Variants in SFXN5 observed in about 807,000 individuals in gnomAD.
The protein encoded by SFXN5 is sideroflexin 5, also known as sideroflexin-5.
A neutral mutation model predicts 50.2 loss-of-function variants in SFXN5; 43 were observed. That is an observed-to-expected ratio of 0.86 (90% CI 0.67 to 1.11). The LOEUF is 1.11. SFXN5 is among the 50% of genes least tolerant of loss of function. The probability of loss-of-function intolerance (pLI) is 0.00; values close to 1 mark genes in which losing one functional copy is unlikely to be tolerated. For synonymous variants in SFXN5, 203 were observed against 185.8 expected (o/e 1.09, Z -0.75); for missense variants, 463 against 454.1 (o/e 1.02, Z -0.18).
intron 3 of SFXN5, among the ~76,000 whole-genome samples, chr2:73,026,754 G>A (rs1044934082): frequency 6.6e-6 from 1 of 151,792 alleles, no homozygotes; most frequent in Non-Finnish European, 1.5e-5. Context: ...TTGAGATGGA[G>A]TTTCACTCTT....
intron 13 of SFXN5, among the ~76,000 whole-genome samples, chr2:72,951,834 G>A (rs1007579556): frequency 2.0e-5 from 3 of 152,216 alleles, no homozygotes; most frequent in Non-Finnish European, 2.9e-5. Context: ...TTGACGCAGG[G>A]CCCAAAGCCC....
At chr2:73,064,888 G>A (rs187399691) in intron 1 of SFXN5, among the ~76,000 whole-genome samples, 11 of 152,342 alleles carry the variant, frequency 7.2e-5, no homozygotes, top group African/African-American at 2.4e-4. Context: ...CTGGACTCGG[G>A]TGATTCTCCC....
At chr2:73,025,324 C>G (rs964471671) in intron 3 of SFXN5, among the ~76,000 whole-genome samples, 12 of 152,116 alleles carry the variant, frequency 7.9e-5, no homozygotes, top group African/African-American at 2.9e-4. Context: ...CATCCTCCCA[C>G]CTCTGGATTC....
At chr2:73,035,493 C>CTTTTTTTTTTTTT (rs761321478) in intron 3 of SFXN5, among the ~76,000 whole-genome samples, 1 of 101,844 alleles carries the variant, frequency 9.8e-6, no homozygotes, top group Non-Finnish European at 1.8e-5. Context: ...GTATCGCAAT[C>CTTTTTTTTTTTTT]TTTTTTTTTT....
intron 6 of SFXN5, among the ~76,000 whole-genome samples, chr2:73,014,831 A>AT (rs1191732176): frequency 7.9e-5 from 12 of 152,160 alleles, no homozygotes; most frequent in Admixed American, 6.5e-5. Flanking sequence ...GGCATACAAA[A>AT]TTTTTTTGTA....
chr2:73,041,651 C>A (rs976158524), intron 2 of SFXN5: 19 of 421,098 alleles, frequency 4.5e-5, no homozygotes, highest in African/African-American at 3.5e-4. Flanking sequence ...GGGGACAGTG[C>A]AAGACTCCAT....
chr2:73,028,960 C>T (rs1043000387), intron 3 of SFXN5, among the ~76,000 whole-genome samples: 1 of 152,210 alleles, frequency 6.6e-6, no homozygotes, highest in Non-Finnish European at 1.5e-5. Flanking sequence ...GGTTCTCCAT[C>T]AGTAACATGA....
At chr2:73,029,914 A>T (rs1030430900) in intron 3 of SFXN5, among the ~76,000 whole-genome samples, 1 of 152,030 alleles carries the variant, frequency 6.6e-6, no homozygotes, top group Non-Finnish European at 1.5e-5. Context: ...TCTAGAAAAA[A>T]TACAAAAATT....
At chr2:72,988,693 G>A (rs1404206739) in intron 9 of SFXN5, among the ~76,000 whole-genome samples, 3 of 152,098 alleles carry the variant, frequency 2.0e-5, no homozygotes, top group East Asian at 1.9e-4. Flanking sequence ...GCAGTTGCTC[G>A]TAGAAGAATA....
intron 6 of SFXN5, among the ~76,000 whole-genome samples, chr2:73,015,452 G>A (rs1365471629): frequency 6.6e-6 from 1 of 151,842 alleles, no homozygotes; most frequent in Non-Finnish European, 1.5e-5. Flanking sequence ...CCTCATAAAT[G>A]AACTGGGAAG....
At chr2:73,038,498 G>T (rs2105914079) in intron 3 of SFXN5, among the ~76,000 whole-genome samples, 1 of 152,198 alleles carries the variant, frequency 6.6e-6, no homozygotes, top group Non-Finnish European at 1.5e-5. Flanking sequence ...AAAAAAATTA[G>T]CCAGGTGTGG....
chr2:73,025,445 G>A (rs971397221), intron 3 of SFXN5, among the ~76,000 whole-genome samples: 1 of 152,206 alleles, frequency 6.6e-6, no homozygotes, highest in African/African-American at 2.4e-5. Flanking sequence ...CTTAATGAAG[G>A]AATATCATCT....
rs1047611040 is a variant in SFXN5 at position 72,961,372 on chromosome 2, G to A, written c.828-124C>T. On this transcript the variant is annotated intron_variant, in intron 12 of 13. Transcript: ENST00000272433. This position sits in a 1 kb window ranked among gnomAD's most constrained non-coding sequence, Gnocchi z 4.4. The stretch of plus-strand genomic sequence containing the variant: ...AGCGTGGTTCCGGGGCAGTGCCAGT[G>A]TGCAGCTAAACAGATATAGCAGAGT... The A allele has an allele frequency of 5.1e-6, 3 of 585,954 alleles. No homozygotes were observed. Among genetic ancestry groups the A allele is most frequent in the African/African-American group, 3.9e-5 (2 of 51,430 alleles). 36.3% of individuals were successfully genotyped at this position (585,954 alleles called of 1,614,324 possible).
intron 2 of SFXN5, among the ~76,000 whole-genome samples, chr2:73,052,238 C>T (rs1203189709): frequency 6.6e-6 from 1 of 152,062 alleles, no homozygotes; most frequent in African/African-American, 2.4e-5. Context: ...TATTTAGAAA[C>T]CAAGATCTGG....
In SFXN5 at chr2:73,048,404, C is replaced by T. The variant is rs185203988; in HGVS notation, c.172-7473G>A. On this transcript the variant is annotated intron_variant, in intron 2 of 13. Coordinates refer to ENST00000272433, the MANE Select transcript of SFXN5 (RefSeq NM_144579.3). ...CTAATTTTTGTATTTTTAGTAGAGA[C>T]GAGGTTTCACCATGTTGCCCAAGCT... Among the ~76,000 whole-genome samples, 51 of 152,228 alleles carry T rather than the reference C, an allele frequency of 3.4e-4. No individual in the cohort carries two copies. In the East Asian group the frequency reaches 9.7e-3, roughly 29 times the overall value.
intron 2 of SFXN5, chr2:73,041,698 G>C (rs531204518): frequency 5.5e-6 from 2 of 361,512 alleles, no homozygotes; most frequent in Middle Eastern, 4.0e-4. Context: ...TTATAAGGAG[G>C]ATTTTTCCTT....
At chr2:73,028,583 G>GGAGA (rs1326081234) in intron 3 of SFXN5, among the ~76,000 whole-genome samples, 2 of 152,194 alleles carry the variant, frequency 1.3e-5, no homozygotes, top group African/African-American at 4.8e-5. Flanking sequence ...AAGAATGAGG[G>GGAGA]GAGAGAGAAA....
intron 3 of SFXN5, among the ~76,000 whole-genome samples, chr2:73,030,704 A>C (rs1006176668): frequency 3.9e-5 from 6 of 152,098 alleles, no homozygotes; most frequent in African/African-American, 1.4e-4. Context: ...CACGACATTC[A>C]CTACACTAGG....
chr2:72,994,368 T>TC (rs1390712796), intron 9 of SFXN5, among the ~76,000 whole-genome samples: 1 of 152,052 alleles, frequency 6.6e-6, no homozygotes, highest in African/African-American at 2.4e-5. Context: ...AGCACAGGGA[T>TC]CCCCTGGAAC....
Sources: gnomAD v4.1 joint callset for allele counts (sites outside exome capture counted in the v4.1 genomes callset) on GRCh38, gnomAD v4.1.1 for gene constraint, Gnocchi (gnomAD v3.1) non-coding constraint, MANE v1.5 for transcripts, NCBI Gene and HGNC (gene_info 2026-07-23, HGNC 2026-07-21) for gene names.